Variants in DEPDC1B observed in about 807,000 individuals in gnomAD.
DEPDC1B encodes the protein DEP domain-containing protein 1B.
In DEPDC1B, 51 loss-of-function variants were observed where a neutral mutation model predicts 66.5. The ratio of observed to expected loss-of-function variants is 0.77; its 90% confidence interval spans 0.61 to 0.97. The LOEUF is 0.97. Among genes scored for constraint, DEPDC1B ranks in the 50% least tolerant of loss-of-function variants. The pLI is 0.00. For synonymous variants in DEPDC1B, 226 were observed against 223.6 expected, an observed-to-expected ratio of 1.01 and a Z score of -0.10; for missense variants, 552 against 637.1, an observed-to-expected ratio of 0.87 and a Z score of 1.44.
At chr5:60,613,048 T>G (rs918019755) in intron 7 of DEPDC1B, among the ~76,000 whole-genome samples, 1 of 152,246 alleles carries the variant, frequency 6.6e-6, no homozygotes, top group Non-Finnish European at 1.5e-5. Flanking sequence ...TATGCTTCTC[T>G]TCTCATGAGA....
chr5:60,614,077 T>C (rs1251691055), intron 7 of DEPDC1B, among the ~76,000 whole-genome samples: 2 of 152,306 alleles, frequency 1.3e-5, no homozygotes, highest in African/African-American at 4.8e-5. Context: ...TTTGTAAATC[T>C]TTCCTTCCTT....
chr5:60,693,875 A>G (rs1252450215), intron 1 of DEPDC1B, among the ~76,000 whole-genome samples: 1 of 152,094 alleles, frequency 6.6e-6, no homozygotes, highest in African/African-American at 2.4e-5. Flanking sequence ...GGAAGGGGTA[A>G]TAAAAAAGAT....
chr5:60,660,912 G>A (rs1753699235), intron 2 of DEPDC1B, among the ~76,000 whole-genome samples: 1 of 152,146 alleles, frequency 6.6e-6, no homozygotes, highest in Non-Finnish European at 1.5e-5. Context: ...AAAACACAAT[G>A]GGTATTCAGT....
At chr5:60,611,877 T>C (rs756276559) in intron 7 of DEPDC1B, among the ~76,000 whole-genome samples, 6 of 152,200 alleles carry the variant, frequency 3.9e-5, no homozygotes, top group Non-Finnish European at 7.3e-5. Flanking sequence ...CAGCAAGTTA[T>C]CTAGAAAATC....
chr5:60,608,703 A>T (rs1022779471), intron 7 of DEPDC1B, among the ~76,000 whole-genome samples: 1 of 152,030 alleles, frequency 6.6e-6, no homozygotes. Context: ...GGATGCTATT[A>T]AACAAATATG....
At chr5:60,651,194 C>T (rs1333645041) in intron 2 of DEPDC1B, among the ~76,000 whole-genome samples, 1 of 152,082 alleles carries the variant, frequency 6.6e-6, no homozygotes, top group Non-Finnish European at 1.5e-5. Context: ...TGATGCCCAC[C>T]TAAGCAACCT....
chr5:60,667,758 T>TAAAAAATGGATATTTTACATATATATA (rs1753894641), intron 2 of DEPDC1B, among the ~76,000 whole-genome samples: 1 of 134,612 alleles, frequency 7.4e-6, no homozygotes. Context: ...TACATATATA[T>TAAAAAATGGATATTTTACATATATATA]AAAAAATGGA....
intron 2 of DEPDC1B, among the ~76,000 whole-genome samples, chr5:60,651,459 C>T (rs528904505): frequency 4.8e-4 from 72 of 150,120 alleles, no homozygotes; most frequent in Non-Finnish European, 9.3e-4. Flanking sequence ...ACCCAGGAGG[C>T]GGAGGTTGCA....
intron 7 of DEPDC1B, among the ~76,000 whole-genome samples, chr5:60,618,666 AG>A: frequency 6.6e-6 from 1 of 152,334 alleles, no homozygotes; most frequent in South Asian, 2.1e-4. Flanking sequence ...AACCAATAAA[AG>A]TCCAGGACCA....
At chr5:60,632,390 C>T (rs181842202) in intron 7 of DEPDC1B, among the ~76,000 whole-genome samples, 2 of 152,346 alleles carry the variant, frequency 1.3e-5, no homozygotes, top group South Asian at 4.1e-4. Context: ...AACTGAGCAG[C>T]AAGCCAGGCC....
intron 7 of DEPDC1B, among the ~76,000 whole-genome samples, chr5:60,620,121 C>G (rs982731998): frequency 1.3e-5 from 2 of 152,162 alleles, no homozygotes; most frequent in Non-Finnish European, 2.9e-5. Flanking sequence ...CTTCCTTACA[C>G]CTTATACAAA....
chr5:60,676,409 A>C (rs1462722900), intron 2 of DEPDC1B, among the ~76,000 whole-genome samples: 1 of 152,076 alleles, frequency 6.6e-6, no homozygotes, highest in Non-Finnish European at 1.5e-5. Flanking sequence ...GAGCTTAAGG[A>C]ATCCTCTGGC....
intron 7 of DEPDC1B, among the ~76,000 whole-genome samples, chr5:60,618,133 A>C (rs1186563314): frequency 6.6e-6 from 1 of 152,250 alleles, no homozygotes; most frequent in Admixed American, 6.5e-5. Context: ...GGACACATTC[A>C]AAGTAGTTTG....
At chr5:60,670,295 A>G (rs959914073) in intron 2 of DEPDC1B, among the ~76,000 whole-genome samples, 5 of 152,180 alleles carry the variant, frequency 3.3e-5, no homozygotes, top group African/African-American at 1.2e-4. Flanking sequence ...AGGCAGGAGA[A>G]TGGCATGAAC....
chr5:60,657,993 T>G lies in DEPDC1B; in HGVS notation c.315-10460A>C, dbSNP rs181789658. ...TTGAGGCTTTGTTCACTTTTTTAAT[T>G]CTTTTTTTCTTTGTCTTTATTGGAT... On this transcript the variant is annotated intron_variant, in intron 2 of 10. Transcript: ENST00000265036. 8.5e-5 allele frequency among the ~76,000 whole-genome samples: 13 copies of G among 152,310 alleles called. No homozygotes were observed. The East Asian group carries it at 2.1e-3, about 25-fold the overall frequency.
At chr5:60,665,969 T>TA (rs1753828090) in intron 2 of DEPDC1B, among the ~76,000 whole-genome samples, 1 of 152,108 alleles carries the variant, frequency 6.6e-6, no homozygotes, top group Non-Finnish European at 1.5e-5. Flanking sequence ...GCAACCCCCT[T>TA]AGGGTCCCTC....
chr5:60,676,187 C>T (rs1001838185), intron 2 of DEPDC1B, among the ~76,000 whole-genome samples: 1 of 151,722 alleles, frequency 6.6e-6, no homozygotes, highest in African/African-American at 2.4e-5. Flanking sequence ...ACCTCAGCCA[C>T]CCAAAGTGCT....
chr5:60,604,410 G>A (rs1179295126), intron 8 of DEPDC1B, among the ~76,000 whole-genome samples: 8 of 150,758 alleles, frequency 5.3e-5, no homozygotes, highest in South Asian at 2.1e-4. Flanking sequence ...TAATAGAGAC[G>A]GGGTTTCACC....
intron 1 of DEPDC1B, among the ~76,000 whole-genome samples, chr5:60,697,923 C>T (rs1467770693): frequency 1.3e-5 from 2 of 152,074 alleles, no homozygotes; most frequent in Non-Finnish European, 2.9e-5. Context: ...TAATGTGACT[C>T]AAGAATCCAG....
Sources: gnomAD v4.1 joint callset for allele counts (sites outside exome capture counted in the v4.1 genomes callset) on GRCh38, gnomAD v4.1.1 for gene constraint, MANE v1.5 for transcripts, NCBI Gene and HGNC (gene_info 2026-07-23, HGNC 2026-07-21) for gene names.